The following EYA1 variants were observed in gnomAD, a reference collection of about 807,000 sequenced individuals.
The protein encoded by EYA1 is protein phosphatase EYA1.
In EYA1, 16 loss-of-function variants were observed where a neutral mutation model predicts 82.0. The observed-to-expected ratio is 0.20, with a 90% confidence interval of 0.13 to 0.30. The LOEUF (loss-of-function observed/expected upper bound fraction) is 0.30, where lower values mean the gene tolerates loss of function less well. EYA1 is among the 10% of genes least tolerant of loss of function. The pLI is 1.00. For synonymous variants in EYA1, 261 were observed against 264.4 expected (o/e 0.99, Z 0.12); for missense variants, 633 against 730.7 (o/e 0.87, Z 1.54).
intron 3 of EYA1, among the ~76,000 whole-genome samples, chr8:71,344,829 A>G (rs1165133319): frequency 6.6e-6 from 1 of 152,250 alleles, no homozygotes; most frequent in Non-Finnish European, 1.5e-5. Context: ...AACCTCAATC[A>G]TATCAATGTG....
rs138509009 is a variant in EYA1 at position 71,331,489 on chromosome 8, T to TATATA, written c.202+2607_202+2608insTATAT. Among the ~76,000 whole-genome samples the TATATA allele has an allele frequency of 8.2e-3, 1,199 of 146,854 alleles. 14 individuals carry two copies. Among genetic ancestry groups the TATATA allele is most frequent in the South Asian group, 0.019 (89 of 4,692 alleles). On this transcript the variant is annotated intron_variant, in intron 4 of 17. Transcript: ENST00000340726. ...ATTACTTTTTAAAAGTATAAATGTT[T>TATATA]TATATATATATATACACATATATAT...
At chr8:71,362,328 G>T, upstream of EYA1, 3 of 441,738 alleles carry the variant, frequency 6.8e-6, no homozygotes, top group Non-Finnish European at 9.0e-6. Flanking sequence ...CACGCTATCT[G>T]AATAAACAGC....
intron 7 of EYA1, among the ~76,000 whole-genome samples, chr8:71,310,688 A>G (rs987064048): frequency 3.9e-5 from 6 of 152,180 alleles, no homozygotes; most frequent in African/African-American, 1.4e-4. Context: ...GGTTGATTCC[A>G]TAACTTTGTC....
At chr8:71,508,943 C>T (rs1236990198) in intron 2 of EYA1, among the ~76,000 whole-genome samples, 1 of 151,986 alleles carries the variant, frequency 6.6e-6, no homozygotes, top group Non-Finnish European at 1.5e-5. Flanking sequence ...TGGTTTGTGC[C>T]AGGTGTGGTG....
chr8:71,269,768 G>C lies in EYA1; in HGVS notation c.1022C>G (p.Thr341Ser). 6.2e-7 allele frequency: 1 copy of C among 1,613,744 alleles called. No homozygotes were observed. Among genetic ancestry groups the C allele is most frequent in the East Asian group, 2.2e-5 (1 of 44,804 alleles). The change falls in exon 11 of 18, where the codon ACT (threonine) becomes AGT (serine). Residue 341 changes from threonine (T) to serine (S), a missense_variant. Physicochemically the swap from Thr to Ser is moderately conservative, Grantham distance 58 (BLOSUM62 1). Transcript: ENST00000340726. The stretch of plus-strand genomic sequence containing the variant: ...CCCATATCTGTTGGCGTAGGACCCA[G>C]TAAGCAAGGAGTGGAAAACAATGAT... ...ETIIVFHSLLTGSYANRYGRD... is the reference protein window; with the variant it reads ...ETIIVFHSLLSGSYANRYGRD...
intron 11 of EYA1, among the ~76,000 whole-genome samples, chr8:71,263,906 T>C (rs1815445041): frequency 6.6e-6 from 1 of 152,212 alleles, no homozygotes; most frequent in African/African-American, 2.4e-5. Context: ...AAATATTTCA[T>C]AAGACATGAA....
intron 8 of EYA1, 87 bp from the exon 9 acceptor site, chr8:71,299,320 G>C: frequency 7.2e-7 from 1 of 1,395,968 alleles, no homozygotes; most frequent in Non-Finnish European, 1.0e-6. Context: ...AGTATGTTTG[G>C]GTTTCTGAGC....
At chr8:71,361,203 T>C (rs1827340327) in intron 1 of EYA1, among the ~76,000 whole-genome samples, 1 of 152,202 alleles carries the variant, frequency 6.6e-6, no homozygotes, top group African/African-American at 2.4e-5. Context: ...AAATGCTTCA[T>C]TTTTTTCATA....
intron 2 of EYA1, among the ~76,000 whole-genome samples, chr8:71,472,828 T>G (rs2129202880): frequency 6.8e-6 from 1 of 147,352 alleles, no homozygotes; most frequent in African/African-American, 2.5e-5. Flanking sequence ...TCAGTGAGTA[T>G]ATGCATATAT....
At chr8:71,510,267 G>GA (rs1812497370) in intron 2 of EYA1, among the ~76,000 whole-genome samples, 1 of 152,112 alleles carries the variant, frequency 6.6e-6, no homozygotes, top group Non-Finnish European at 1.5e-5. Context: ...CACCACGATT[G>GA]AAAACACAGC....
upstream of EYA1, among the ~76,000 whole-genome samples, chr8:71,364,009 G>A (rs1827597221): frequency 6.6e-6 from 1 of 151,642 alleles, no homozygotes; most frequent in South Asian, 2.1e-4. Flanking sequence ...CAAGTTACTT[G>A]CCCACATTAT....
intron 3 of EYA1, among the ~76,000 whole-genome samples, chr8:71,340,413 A>G (rs1824987695): frequency 6.6e-6 from 1 of 152,222 alleles, no homozygotes; most frequent in Non-Finnish European, 1.5e-5. Context: ...TAGATAAAGA[A>G]CCATATATCC....
chr8:71,405,183 A>C (rs2129131967), intron 2 of EYA1, among the ~76,000 whole-genome samples: 1 of 152,242 alleles, frequency 6.6e-6, no homozygotes, highest in Non-Finnish European at 1.5e-5. Context: ...GAAATTCTAC[A>C]ATTAGCTTAT....
Position 71,441,843 on chromosome 8 carries a change from G to A in EYA1, c.34-85332C>T, listed in dbSNP as rs545614072. 4.5e-4 allele frequency among the ~76,000 whole-genome samples: 68 copies of A among 152,238 alleles called. No individual in the cohort carries two copies. The South Asian group carries it at 0.014, about 32-fold the overall frequency. The stretch of plus-strand genomic sequence containing the variant: ...GGAGATAATTAGATTACGTCATGAG[G>A]TCAGGGCCCTCATTATGGAATTAAT... On this transcript the variant is annotated intron_variant, in intron 2 of 18. Coordinates refer to the EYA1 transcript ENST00000643681.
intron 2 of EYA1, among the ~76,000 whole-genome samples, chr8:71,426,938 A>G (rs1172398735): frequency 6.6e-6 from 1 of 152,226 alleles, no homozygotes; most frequent in Non-Finnish European, 1.5e-5. Flanking sequence ...AATAAAAAGC[A>G]GGAAGAAGAC....
At chr8:71,339,277 T>C (rs1158558709) in intron 3 of EYA1, among the ~76,000 whole-genome samples, 1 of 152,118 alleles carries the variant, frequency 6.6e-6, no homozygotes, top group Non-Finnish European at 1.5e-5. Flanking sequence ...TGTGGTCTCA[T>C]TTCTCCTAGC....
At chr8:71,344,541 C>T (rs1252630383) in intron 3 of EYA1, among the ~76,000 whole-genome samples, 2 of 152,130 alleles carry the variant, frequency 1.3e-5, no homozygotes, top group African/African-American at 4.8e-5. Context: ...GCTTCAAATG[C>T]TAAATACATA....
intron 2 of EYA1, among the ~76,000 whole-genome samples, chr8:71,406,784 G>C (rs201325310): frequency 1.1e-4 from 16 of 144,026 alleles, no homozygotes; most frequent in African/African-American, 4.0e-4. Flanking sequence ...CAAGGCGGCA[G>C]CGAGGCTGGG....
intron 17 of EYA1, among the ~76,000 whole-genome samples, chr8:71,208,666 CATGTATACCT>C (rs1327285959): frequency 1.3e-5 from 2 of 151,982 alleles, no homozygotes; most frequent in African/African-American, 4.8e-5. Context: ...CAACATGGCA[CATGTATACCT>C]ATGTATCAAA....
Sources: allele counts gnomAD v4.1 joint callset (sites outside exome capture counted in the v4.1 genomes callset), GRCh38; gene constraint gnomAD v4.1.1; transcripts MANE v1.5; gene names NCBI Gene and HGNC (gene_info 2026-07-23, HGNC 2026-07-21).